The following ARHGEF10L variants were observed in gnomAD, a reference collection of about 807,000 sequenced individuals.
ARHGEF10L encodes the protein rho guanine nucleotide exchange factor 10-like protein.
ARHGEF10L carries 69 observed loss-of-function variants against 141.2 expected under a neutral mutation model. The ratio of observed to expected loss-of-function variants is 0.49; its 90% CI spans 0.40 to 0.60. The LOEUF (loss-of-function observed/expected upper bound fraction) is 0.60. Ranked by LOEUF, ARHGEF10L falls within the 20% of genes least tolerant of loss-of-function variation. The pLI is 0.00. For synonymous variants in ARHGEF10L, 711 were observed against 718.5 expected, an observed-to-expected ratio of 0.99 and a Z score of 0.17; for missense variants, 1,482 against 1,734.3, an observed-to-expected ratio of 0.85 and a Z score of 2.58.
At chr1:17,570,469 G>A (rs1031308309) in intron 1 of ARHGEF10L, among the ~76,000 whole-genome samples, 3 of 152,050 alleles carry the variant, frequency 2.0e-5, no homozygotes, top group Non-Finnish European at 2.9e-5. Context: ...CATGCTTGGG[G>A]CATTCAGGGA....
chr1:17,643,995 C>T (rs756224998), intron 21 of ARHGEF10L, among the ~76,000 whole-genome samples: 2 of 152,148 alleles, frequency 1.3e-5, no homozygotes, highest in Non-Finnish European at 2.9e-5. Context: ...CCCTCCTGTA[C>T]CCTCCCCCGC....
At chr1:17,695,316 G>A (rs560497236) in intron 28 of ARHGEF10L, 36 bp downstream of exon 28, 10 of 1,543,364 alleles carry the variant, frequency 6.5e-6, no homozygotes, top group South Asian at 1.3e-5. Context: ...CAGGACCAGG[G>A]GGTCAGCTGC....
At chr1:17,585,420 C>T (rs2078945246) in intron 2 of ARHGEF10L, among the ~76,000 whole-genome samples, 1 of 152,308 alleles carries the variant, frequency 6.6e-6, no homozygotes, top group East Asian at 1.9e-4. Flanking sequence ...CGGGATCTCT[C>T]AGGACTTGCT....
chr1:17,630,822 C>T (rs1434642315), intron 15 of ARHGEF10L, among the ~76,000 whole-genome samples: 2 of 152,186 alleles, frequency 1.3e-5, no homozygotes, highest in South Asian at 2.1e-4. Flanking sequence ...GGTTGTGTGC[C>T]GACTTGAGAG....
chr1:17,562,351 A>G (rs2077576416), intron 1 of ARHGEF10L, among the ~76,000 whole-genome samples: 1 of 152,234 alleles, frequency 6.6e-6, no homozygotes, highest in Non-Finnish European at 1.5e-5. Flanking sequence ...TGGGTAGTAG[A>G]GGCTGCAGTG....
At chr1:17,516,508 C>T in the ARHGEF10L span, among the ~76,000 whole-genome samples, 193 of 152,300 alleles carry the variant, frequency 1.3e-3, no homozygotes, top group African/African-American at 4.4e-3. Context: ...GGCAGCTCCA[C>T]ACTCCCCGTC....
At chr1:17,550,326 C>G (rs1295309876) in intron 1 of ARHGEF10L, among the ~76,000 whole-genome samples, 1 of 152,146 alleles carries the variant, frequency 6.6e-6, no homozygotes, top group Non-Finnish European at 1.5e-5. Flanking sequence ...GGGGCAGGTT[C>G]ACATTGAAAG....
chr1:17,644,234 G>A lies in ARHGEF10L; in HGVS notation c.2272+3932G>A, dbSNP rs1005351489. ...TGCCTCTCATTTGGTTTAGTTTTCC[G>A]GCCCATAGTCGTCACACTGACGCCA... is the stretch of plus-strand genomic sequence containing the variant. On this transcript the variant is annotated intron_variant, in intron 21 of 28. Coordinates refer to ENST00000361221, the MANE Select transcript of ARHGEF10L (RefSeq NM_018125.4). The surrounding 1 kb of genome is among the most constrained non-coding windows in gnomAD (Gnocchi z 4.5). 1.3e-5 allele frequency among the ~76,000 whole-genome samples: 2 copies of A among 152,136 alleles called. No homozygotes were observed. The highest frequency in any genetic ancestry group is 1.9e-4 in the East Asian group (1 of 5,156).
At chr1:17,687,136 A>G (rs972049406) in intron 26 of ARHGEF10L, among the ~76,000 whole-genome samples, 7 of 152,114 alleles carry the variant, frequency 4.6e-5, no homozygotes, top group Non-Finnish European at 8.8e-5. Flanking sequence ...AATCATTTAC[A>G]TAAACCACAA....
intron 26 of ARHGEF10L, among the ~76,000 whole-genome samples, chr1:17,665,613 C>G (rs1331417920): frequency 6.6e-6 from 1 of 152,190 alleles, no homozygotes; most frequent in Non-Finnish European, 1.5e-5. Flanking sequence ...ATCTGGGCGC[C>G]TCTGTGCTGG....
intron 20 of ARHGEF10L, 46 bp downstream of exon 20, chr1:17,638,735 C>A (rs1488822832): frequency 6.2e-7 from 1 of 1,609,714 alleles, no homozygotes; most frequent in Admixed American, 1.7e-5. Flanking sequence ...CTCTGCTGGG[C>A]TTCCAGTGGA....
In ARHGEF10L at chr1:17,621,439, G is replaced by A. The variant is rs1330413988; in HGVS notation, c.943-425G>A. On this transcript the variant is annotated intron_variant, in intron 10 of 28. Transcript: ENST00000361221. This position sits in a 1 kb window ranked among gnomAD's most constrained non-coding sequence, Gnocchi z 4.1. ...CTAGAGACAGGGTTTCACCATGTTG[G>A]CCAGGCTGGTTTCGAACTCCTGACT... 6.6e-6 allele frequency among the ~76,000 whole-genome samples: 1 copy of A among 152,162 alleles called. No homozygotes were observed. The highest frequency in any genetic ancestry group is 1.5e-5 in the Non-Finnish European group (1 of 68,024).
At chr1:17,636,438 A>G (rs757461933) in intron 18 of ARHGEF10L, among the ~76,000 whole-genome samples, 1 of 152,198 alleles carries the variant, frequency 6.6e-6, no homozygotes, top group Non-Finnish European at 1.5e-5. Flanking sequence ...CAAAACCATA[A>G]CATTCAAATT....
chr1:17,530,428 G>C, the ARHGEF10L span, among the ~76,000 whole-genome samples: 1 of 152,166 alleles, frequency 6.6e-6, no homozygotes, highest in African/African-American at 2.4e-5. Context: ...GAGGGTTGTT[G>C]TGTAGATAGG....
upstream of ARHGEF10L, among the ~76,000 whole-genome samples, chr1:17,535,616 C>T (rs371465333): frequency 4.2e-4 from 60 of 143,972 alleles, 1 homozygote; most frequent in African/African-American, 1.4e-3. Context: ...AGGTCAGCAG[C>T]GGAGACAAGG....
rs1232998689 is a variant in ARHGEF10L, at chr1:17,607,802, G to A, written c.434G>A (p.Gly145Glu). The change falls in exon 7 of 29, where the codon GGG becomes GAG. Residue 145 changes from glycine (G) to glutamate (E), a missense_variant and splice_region_variant. Gly to Glu is a moderately conservative substitution (Grantham distance 98). Coordinates refer to ENST00000361221, the MANE Select transcript of ARHGEF10L (RefSeq NM_018125.4). The surrounding 1 kb of genome is among the most constrained non-coding windows in gnomAD (Gnocchi z 4.5). ...TCACCGGCTGCCGCTTGGCCAGCAG[G>A]GGCAGAGAGGAACCTGCTCTACGAG... ...PCESPDAHQP[G>E]AERNLLYEDA... 2 of 1,574,794 alleles carry A rather than the reference G, an allele frequency of 1.3e-6. No homozygotes were observed. Among genetic ancestry groups the A allele is most frequent in the Admixed American group, 1.8e-5 (1 of 55,238 alleles).
At chr1:17,549,478 G>A (rs991736251) in intron 1 of ARHGEF10L, among the ~76,000 whole-genome samples, 31 of 152,260 alleles carry the variant, frequency 2.0e-4, no homozygotes, top group African/African-American at 6.3e-4. Context: ...GGGGGTGGGG[G>A]TACAGGATTC....
At chr1:17,690,370 T>G (rs567744438) in intron 27 of ARHGEF10L, among the ~76,000 whole-genome samples, 1 of 152,206 alleles carries the variant, frequency 6.6e-6, no homozygotes, top group East Asian at 1.9e-4. Flanking sequence ...CAGGTGTAGG[T>G]GTTGTGTGAG....
the ARHGEF10L span, among the ~76,000 whole-genome samples, chr1:17,522,174 G>A: frequency 1.4e-4 from 21 of 152,292 alleles, no homozygotes; most frequent in Non-Finnish European, 2.4e-4. Flanking sequence ...TGGGCCCTGC[G>A]TCTGTTTCCT....
Sources: allele counts gnomAD v4.1 joint callset (sites outside exome capture counted in the v4.1 genomes callset), GRCh38; gene constraint gnomAD v4.1.1; non-coding constraint Gnocchi (gnomAD v3.1); transcripts MANE v1.5; gene names NCBI Gene and HGNC (gene_info 2026-07-23, HGNC 2026-07-21).